MOB1A: variants seen among roughly 807,000 people sequenced by gnomAD.
The protein encoded by MOB1A is MOB1 Mps One Binder homolog A.
In MOB1A, 10 loss-of-function variants were observed where a neutral mutation model predicts 25.1. The observed-to-expected ratio is 0.40, with a 90% CI of 0.25 to 0.68. The LOEUF is 0.68. Ranked by LOEUF, MOB1A falls within the 30% of genes least tolerant of loss-of-function variation. The pLI is 0.40. For synonymous variants in MOB1A, 81 were observed against 79.5 expected (o/e 1.02, Z -0.10); for missense variants, 177 against 256.3 (o/e 0.69, Z 2.11).
At position 74,167,141 on chromosome 2, in the gene MOB1A, G is replaced by A. The variant is rs1445517921; in HGVS notation, c.182-34C>T. ...ATAATAGAATTGTGTCAAAATGTCT[G>A]TGTAAACACAAAATATGAGACCTCC... On this transcript the variant is annotated intron_variant, in intron 2 of 5. Coordinates refer to ENST00000396049, the MANE Select transcript of MOB1A (RefSeq NM_018221.5). The A allele has an allele frequency of 6.4e-6, 10 of 1,555,408 alleles. No individual in the cohort carries two copies. In the African/African-American group the frequency reaches 6.8e-5, roughly 11 times the overall value.
At chr2:74,171,721 G>A (rs1693298939) in intron 2 of MOB1A, among the ~76,000 whole-genome samples, 1 of 152,084 alleles carries the variant, frequency 6.6e-6, no homozygotes, top group Non-Finnish European at 1.5e-5. Flanking sequence ...TGGGCAACAT[G>A]GTGAAACCTT....
intron 2 of MOB1A, among the ~76,000 whole-genome samples, chr2:74,168,352 T>C (rs78915986): frequency 0.017 from 2,527 of 152,268 alleles, 63 homozygotes; most frequent in African/African-American, 0.057. Context: ...GAGAACCACA[T>C]AAGCCTTGGA....
Position 74,152,585 on chromosome 2 carries a change from A to C in MOB1A, c.*3983T>G, listed in dbSNP as rs1692687080. On this transcript the variant is annotated 3_prime_UTR_variant, in exon 6 of 6. Coordinates refer to ENST00000396049, the MANE Select transcript of MOB1A (RefSeq NM_018221.5). ...AAATGTGTGTTGATATACATACTTT[A>C]ATCAGTCATTTCTTGCTTTCAATAT... The C allele has an allele frequency of 6.6e-6, 1 of 152,242 alleles. No homozygotes were observed. Among genetic ancestry groups the C allele is most frequent in the South Asian group, 2.1e-4 (1 of 4,830 alleles). 9.4% of individuals were successfully genotyped at this position (152,242 alleles called of 1,614,324 possible). A position where few individuals can be genotyped will look rare whatever the true frequency, so the allele number is the denominator to read the frequency against.
Position 74,156,522 on chromosome 2 carries a change from T to C in MOB1A, c.*46A>G, listed in dbSNP as rs1558829488. ...ATAACAGATAGCAATGAGATAGTTC[T>C]AGCAATAGATGAAGCAAGGGGGTAA... is the stretch of plus-strand genomic sequence containing the variant. On this transcript the variant is annotated 3_prime_UTR_variant, in exon 6 of 6. Coordinates refer to ENST00000396049, the MANE Select transcript of MOB1A (RefSeq NM_018221.5). 4.5e-6 allele frequency: 6 copies of C among 1,328,562 alleles called. No homozygotes were observed. The Admixed American group carries it at 5.9e-5, about 13-fold the overall frequency. 82.3% of individuals were successfully genotyped at this position (1,328,562 alleles called of 1,614,324 possible). A position where few individuals can be genotyped will look rare whatever the true frequency, so the allele number is the denominator to read the frequency against.
Position 74,165,334 on chromosome 2 carries a change from G to A in MOB1A, c.293C>T (p.Ala98Val). 6.4e-7 allele frequency: 1 copy of A among 1,552,658 alleles called. No homozygotes were observed. The highest frequency in any genetic ancestry group is 2.0e-5 in the Admixed American group (1 of 50,054). ...SAGPRYEYHWADGTNIKKPIK... is the reference protein window; with the variant it reads ...SAGPRYEYHWVDGTNIKKPIK... ...TGGCTTTTTAATATTAGTACCATCT[G>A]CCCAGTGATATTCATATCTGAAGAG... The change falls in exon 4 of 6, where the codon GCA (alanine) becomes GTA (valine). Residue 98 changes from alanine (A) to valine (V), a missense_variant. Ala to Val is a moderately conservative substitution (Grantham distance 64). Transcript: ENST00000396049.
Position 74,161,831 on chromosome 2 carries a change from C to G in MOB1A, c.410-2577G>C, listed in dbSNP as rs566280804. ...TTAGCTGGGCGTGGTGGCACACGTG[C>G]CTGTGGTCTCAGCTACTCAAGTGGC... On this transcript the variant is annotated intron_variant, in intron 4 of 5. Coordinates refer to ENST00000396049, the MANE Select transcript of MOB1A (RefSeq NM_018221.5). 8.7e-4 allele frequency among the ~76,000 whole-genome samples: 132 copies of G among 152,026 alleles called. 1 individual carries two copies. The highest frequency in any genetic ancestry group is 3.1e-3 in the African/African-American group (128 of 41,450).
rs1463499137 is a variant in MOB1A, at chr2:74,156,424, GA to G, written c.*143del. ...AACTATCACACCAACCTACCTTTGGGATAATTTTATCAGTAGACACAGGCAA... is the reference window on the plus strand; with the variant it reads ...AACTATCACACCAACCTACCTTTGGGTAATTTTATCAGTAGACACAGGCAA... On this transcript the variant is annotated 3_prime_UTR_variant, in exon 6 of 6. Coordinates refer to ENST00000396049, the MANE Select transcript of MOB1A (RefSeq NM_018221.5). 1.4e-6 allele frequency: 1 copy of G among 709,178 alleles called. No individual in the cohort carries two copies. The highest frequency in any genetic ancestry group is 1.8e-5 in the African/African-American group (1 of 55,260). The allele number at this position is 709,178 out of a possible 1,614,324, so 43.9% of individuals were successfully genotyped here. A position where few individuals can be genotyped will look rare whatever the true frequency, so the allele number is the denominator to read the frequency against.
intron 4 of MOB1A, among the ~76,000 whole-genome samples, chr2:74,160,278 C>G (rs1008904755): frequency 4.6e-5 from 7 of 152,098 alleles, no homozygotes; most frequent in Non-Finnish European, 8.8e-5. Context: ...GCTCATAAGC[C>G]TGAGTTCAAG....
chr2:74,171,705 C>A (rs1347352416), intron 2 of MOB1A, among the ~76,000 whole-genome samples: 1 of 152,136 alleles, frequency 6.6e-6, no homozygotes, highest in Non-Finnish European at 1.5e-5. Flanking sequence ...GAGTTCAAGA[C>A]CAGCCTGGGC....
chr2:74,173,851 A>C (rs1340878433), intron 1 of MOB1A, among the ~76,000 whole-genome samples: 2 of 147,026 alleles, frequency 1.4e-5, no homozygotes, highest in Non-Finnish European at 3.0e-5. Context: ...CGGGAGGCTG[A>C]GGCAGGAGAA....
At chr2:74,163,152 G>C (rs950394489) in intron 4 of MOB1A, among the ~76,000 whole-genome samples, 2 of 152,098 alleles carry the variant, frequency 1.3e-5, no homozygotes, top group African/African-American at 4.8e-5. Flanking sequence ...CCATTACTCG[G>C]CATTGCGCTT....
chr2:74,161,315 T>A (rs1270124250), intron 4 of MOB1A, among the ~76,000 whole-genome samples: 1 of 152,198 alleles, frequency 6.6e-6, no homozygotes, highest in East Asian at 1.9e-4. Context: ...ACAGGCATGT[T>A]TTCCTGGGCA....
chr2:74,167,018 G>A lies in MOB1A; in HGVS notation c.271C>T (p.Pro91Ser). The change falls in exon 3 of 6, where the codon CCG becomes TCG. Residue 91 changes from proline to serine, a missense_variant. Coordinates refer to ENST00000396049, the MANE Select transcript of MOB1A (RefSeq NM_018221.5). ...EASCPVMSAG[P>S]RYEYHWADGT... Reference sequence around the variant, plus strand: ...TATAATAGGCAGTATATGTACCTCGGACCTGCAGACATGACTGGACAGCTT... The same window carrying A: ...TATAATAGGCAGTATATGTACCTCGAACCTGCAGACATGACTGGACAGCTT... 1 of 1,612,046 alleles carries A rather than the reference G, an allele frequency of 6.2e-7. No homozygotes were observed. The highest frequency in any genetic ancestry group is 1.7e-4 in the Middle Eastern group (1 of 6,058).
At chr2:74,165,889 C>A (rs1453712480) in intron 3 of MOB1A, among the ~76,000 whole-genome samples, 1 of 152,138 alleles carries the variant, frequency 6.6e-6, no homozygotes, top group South Asian at 2.1e-4. Context: ...GTTTAATTTT[C>A]CTGTTTATTT....
chr2:74,172,865 C>A (rs1343968795), intron 1 of MOB1A, 113 bp from the exon 2 acceptor site: 2 of 1,173,356 alleles, frequency 1.7e-6, no homozygotes, highest in Non-Finnish European at 2.4e-6. Context: ...AAAAAATACT[C>A]TCTGGGCCAG....
intron 1 of MOB1A, among the ~76,000 whole-genome samples, chr2:74,173,376 GTTTT>G (rs35382378): frequency 0.15 from 13,801 of 92,778 alleles, 653 homozygotes; most frequent in East Asian, 0.35. Context: ...CTCAATTTCG[GTTTT>G]TTTTTTTTTT....
chr2:74,162,206 C>CAT (rs779586014), intron 4 of MOB1A, among the ~76,000 whole-genome samples: 5 of 151,970 alleles, frequency 3.3e-5, no homozygotes, highest in African/African-American at 4.8e-5. Flanking sequence ...AAAAGCCAGG[C>CAT]ATGGTGGCTC....
chr2:74,167,040 G>C lies in MOB1A; in HGVS notation c.249C>G (p.Ser83Arg). The C allele has an allele frequency of 1.9e-6, 3 of 1,613,816 alleles. No homozygotes were observed. Among genetic ancestry groups the C allele is most frequent in the South Asian group, 1.1e-5 (1 of 91,068 alleles). ...TCGGACCTGCAGACATGACTGGACA[G>C]CTTGCTTCAGTGCAGAATTCTGTAA... ...GTITEFCTEA[S>R]CPVMSAGPRY... Residue 83 changes from serine (S) to arginine (R), a missense_variant, in exon 3 of 6, where the codon AGC becomes AGG. Ser to Arg is a moderately radical substitution (Grantham distance 110, BLOSUM62 -1). Coordinates refer to ENST00000396049, the MANE Select transcript of MOB1A (RefSeq NM_018221.5).
In MOB1A at chr2:74,178,670, C is replaced by T; in HGVS notation, c.5G>A (p.Ser2Asn). 2.2e-6 allele frequency: 3 copies of T among 1,364,584 alleles called. No individual in the cohort carries two copies. The highest frequency in any genetic ancestry group is 2.8e-6 in the Non-Finnish European group (3 of 1,054,148). The allele number at this position is 1,364,584 out of a possible 1,614,324, so 84.5% of individuals were successfully genotyped here. ...GCCCGACCCCACTCACAAGAGGAAG[C>T]TCATCTTCGGTCCTCAGAGGGGAGG... MSFLFSSRSSKT... is the reference protein window; with the variant it reads MNFLFSSRSSKT... The change falls in exon 1 of 6, where the codon AGC (serine) becomes AAC (asparagine). Residue 2 changes from serine to asparagine, a missense_variant. By Grantham distance (46) the Ser-to-Asn change is conservative (BLOSUM62 1). Coordinates refer to ENST00000396049, the MANE Select transcript of MOB1A (RefSeq NM_018221.5).
Sources: allele counts gnomAD v4.1 joint callset (sites outside exome capture counted in the v4.1 genomes callset), GRCh38; gene constraint gnomAD v4.1.1; transcripts MANE v1.5; gene names NCBI Gene and HGNC (gene_info 2026-07-23, HGNC 2026-07-21).